Variants in PRPF4 observed in about 807,000 individuals in gnomAD.
PRPF4 encodes pre-mRNA splicing tri-snRNP complex factor PRPF4.
Under a neutral mutation model 72.2 loss-of-function variants are expected in PRPF4, and 14 were observed. That is an observed-to-expected ratio of 0.19 (90% CI 0.13 to 0.30). The LOEUF is 0.30. Among genes scored for constraint, PRPF4 ranks in the 10% least tolerant of loss-of-function variants. The pLI is 1.00. For missense variants in PRPF4, 478 were observed against 653.9 expected, an observed-to-expected ratio of 0.73 and a Z score of 2.93; for synonymous variants, 225 against 232.2, an observed-to-expected ratio of 0.97 and a Z score of 0.28.
At chr9:113,281,138 T>C (rs1252214425) in intron 3 of PRPF4, among the ~76,000 whole-genome samples, 1 of 152,164 alleles carries the variant, frequency 6.6e-6, no homozygotes, top group Non-Finnish European at 1.5e-5. Flanking sequence ...GGATTACAGA[T>C]GTGAGCTACC....
chr9:113,284,516 C>T (rs755315818), intron 7 of PRPF4, 127 bp downstream of exon 7: 1 of 769,534 alleles, frequency 1.3e-6, no homozygotes, highest in Non-Finnish European at 2.2e-6. Flanking sequence ...CACCAAACTA[C>T]AGATGTCAGT....
intron 1 of PRPF4, among the ~76,000 whole-genome samples, chr9:113,276,302 A>G (rs1456761611): frequency 1.3e-5 from 2 of 152,384 alleles, no homozygotes; most frequent in East Asian, 3.9e-4. Flanking sequence ...AACCTTTCAT[A>G]GGAAAATACC....
At chr9:113,275,865 G>A (rs563200314) in intron 1 of PRPF4, 95 bp downstream of exon 1, 2 of 1,524,678 alleles carry the variant, frequency 1.3e-6, no homozygotes, top group East Asian at 4.8e-5. Context: ...GGGAGAAGGC[G>A]GTGGAGGGCT....
Position 113,290,938 on chromosome 9 carries a change from G to C in PRPF4, c.1294G>C (p.Val432Leu), listed in dbSNP as rs766335059. The C allele has an allele frequency of 6.2e-7, 1 of 1,614,210 alleles. No homozygotes were observed. The highest frequency in any genetic ancestry group is 2.2e-5 in the East Asian group (1 of 44,890). ...CGGCAGTGGTGACAACACCTGCAAAGTGTGGGACCTCCGACAGCGGCGTTG... is the reference window on the plus strand; with the variant it reads ...CGGCAGTGGTGACAACACCTGCAAACTGTGGGACCTCCGACAGCGGCGTTG... ...ATGSGDNTCKVWDLRQRRCVY... is the reference protein window; with the variant it reads ...ATGSGDNTCKLWDLRQRRCVY... Residue 432 changes from valine (V) to leucine (L), a missense_variant, in exon 13 of 14, where the codon GTG becomes CTG. Coordinates refer to ENST00000374198, the MANE Select transcript of PRPF4 (RefSeq NM_001244926.2).
Position 113,291,744 on chromosome 9 carries a change from C to A in PRPF4, c.*84C>A. 1 of 1,361,588 alleles carries A rather than the reference C, an allele frequency of 7.3e-7. No individual in the cohort carries two copies. The highest frequency in any genetic ancestry group is 1.4e-5 in the South Asian group (1 of 73,172). The allele number at this position is 1,361,588 out of a possible 1,614,324, so 84.3% of individuals were successfully genotyped here. A position where few individuals can be genotyped will look rare whatever the true frequency, so the allele number is the denominator to read the frequency against. ...ACGAGAAGAATTGAAGTGTTTAGTT[C>A]TATCATGTTTTCTGCCAATTACCAT... On this transcript the variant is annotated 3_prime_UTR_variant, in exon 14 of 14. Transcript: ENST00000374198.
rs1185058321 is a variant in PRPF4, at chr9:113,275,679, C to T, written c.-65C>T. 1.2e-5 allele frequency: 19 copies of T among 1,562,874 alleles called. No homozygotes were observed. The highest frequency in any genetic ancestry group is 1.6e-5 in the Non-Finnish European group (19 of 1,151,918). On this transcript the variant is annotated 5_prime_UTR_variant, in exon 1 of 14. Transcript: ENST00000374198. ...TGACGCACTTCCCCTCTGCTGGGCGCGCGGTGGACGGTCTGAAAGGGAGTG... is the reference window on the plus strand; with the variant it reads ...TGACGCACTTCCCCTCTGCTGGGCGTGCGGTGGACGGTCTGAAAGGGAGTG...
chr9:113,277,507 TC>T (rs1430711702), intron 2 of PRPF4, among the ~76,000 whole-genome samples: 9 of 151,956 alleles, frequency 5.9e-5, no homozygotes, highest in Non-Finnish European at 1.2e-4. Flanking sequence ...TGCCTCAGCC[TC>T]CCGATTAGCT....
At chr9:113,291,427 C>G in intron 13 of PRPF4, 40 bp from the exon 14 acceptor site, 1 of 1,550,314 alleles carries the variant, frequency 6.5e-7, no homozygotes, top group Non-Finnish European at 8.8e-7. Context: ...CTTTTGAATA[C>G]TTGAATTCCT....
Position 113,290,955 on chromosome 9 carries a change from G to A in PRPF4, c.1311G>A (p.Gln437=). 1.2e-6 allele frequency: 2 copies of A among 1,614,214 alleles called. No homozygotes were observed. The highest frequency in any genetic ancestry group is 1.7e-6 in the Non-Finnish European group (2 of 1,180,032). ...CCTGCAAAGTGTGGGACCTCCGACA[G>A]CGGCGTTGCGTCTACACCATCCCTG... ...DNTCKVWDLR[Q]RRCVYTIPAH... The change falls in exon 13 of 14, where the codon CAG becomes CAA. Residue 437 remains glutamine, a synonymous_variant. Transcript: ENST00000374198.
At position 113,291,034 on chromosome 9, in the gene PRPF4, T is replaced by A; in HGVS notation, c.1372+18T>A. The stretch of plus-strand genomic sequence containing the variant: ...GTTTGAGCGTAAGCTTTCCTCCTAT[T>A]TTACGTCTAAATGACACAGACAAAC... On this transcript the variant is annotated intron_variant, in intron 13 of 13. Transcript: ENST00000374198. The A allele has an allele frequency of 1.9e-6, 3 of 1,596,376 alleles. No homozygotes were observed. The highest frequency in any genetic ancestry group is 2.6e-6 in the Non-Finnish European group (3 of 1,163,906).
At position 113,291,879 on chromosome 9, in the gene PRPF4, T is replaced by C; in HGVS notation, c.*219T>C. ...CTCACGGTTGAAAATTTATTACCTT[T>C]TTACGCCCTGCCACGAACTGTGTAG... is the stretch of plus-strand genomic sequence containing the variant. On this transcript the variant is annotated 3_prime_UTR_variant, in exon 14 of 14. Coordinates refer to ENST00000374198, the MANE Select transcript of PRPF4 (RefSeq NM_001244926.2). The C allele has an allele frequency of 2.0e-6, 1 of 511,988 alleles. No individual in the cohort carries two copies. The highest frequency in any genetic ancestry group is 3.5e-6 in the Non-Finnish European group (1 of 286,574). The allele number at this position is 511,988 out of a possible 1,614,324, so 31.7% of individuals were successfully genotyped here.
At chr9:113,276,819 CA>C in intron 2 of PRPF4, 94 bp downstream of exon 2, 2 of 1,357,934 alleles carry the variant, frequency 1.5e-6, no homozygotes, top group Non-Finnish European at 2.0e-6. Flanking sequence ...CAAAAAATTA[CA>C]ATTTTTTTTT....
intron 7 of PRPF4, 94 bp from the exon 8 acceptor site, chr9:113,286,135 TGGG>T: frequency 7.5e-7 from 1 of 1,338,020 alleles, no homozygotes; most frequent in Non-Finnish European, 1.1e-6. Flanking sequence ...TAAAGTTTAT[TGGG>T]GGTGAGAAGA....
At chr9:113,288,035 T>C in intron 9 of PRPF4, 140 bp from the exon 10 acceptor site, 1 of 677,804 alleles carries the variant, frequency 1.5e-6, no homozygotes, top group Non-Finnish European at 2.5e-6. Flanking sequence ...ATTTTGCTTA[T>C]TGGGCCAAAG....
chr9:113,281,299 C>CT (rs773783472), intron 3 of PRPF4, among the ~76,000 whole-genome samples: 79 of 152,282 alleles, frequency 5.2e-4, no homozygotes, highest in Admixed American at 5.9e-4. Flanking sequence ...TTTTATTAGC[C>CT]TTTTCAAAGG....
At chr9:113,277,882 C>A (rs527460448) in intron 2 of PRPF4, among the ~76,000 whole-genome samples, 1 of 152,156 alleles carries the variant, frequency 6.6e-6, no homozygotes, top group African/African-American at 2.4e-5. Flanking sequence ...TGCCTGTATT[C>A]CCAGCTAATT....
chr9:113,290,899 T>G lies in PRPF4; in HGVS notation c.1255T>G (p.Tyr419Asp). ...IYGINFSPNG[Y>D]HIATGSGDNT... ...TTCAATACTGCATCCAATCCACAGC[T>G]ATCACATTGCAACCGGCAGTGGTGA... The change falls in exon 13 of 14, where the codon TAT (tyrosine) becomes GAT (aspartate). Residue 419 changes from tyrosine to aspartate, a missense_variant and splice_region_variant. Transcript: ENST00000374198. The G allele has an allele frequency of 6.2e-7, 1 of 1,614,074 alleles. No individual in the cohort carries two copies. Among genetic ancestry groups the G allele is most frequent in the Non-Finnish European group, 8.5e-7 (1 of 1,179,938 alleles).
At chr9:113,283,536 G>C in intron 6 of PRPF4, 54 bp downstream of exon 6, 1 of 1,592,234 alleles carries the variant, frequency 6.3e-7, no homozygotes, top group South Asian at 1.1e-5. Flanking sequence ...ATGTTTATTT[G>C]ATTTTTCTAC....
rs758575142 is a variant in PRPF4 at position 113,290,745 on chromosome 9, T to C, written c.1191T>C (p.Arg397=). The change falls in exon 12 of 14, where the codon CGT becomes CGC. Residue 397 remains arginine (R), a synonymous_variant. Transcript: ENST00000374198. ...GAGTTTGGGACCTACGCACAGGACG[T>C]TGTATCATGTTCTTAGAAGGCCACC... ...FGRVWDLRTG[R]CIMFLEGHLK... 4.2e-5 allele frequency: 68 copies of C among 1,614,046 alleles called. No individual in the cohort carries two copies. Among genetic ancestry groups the C allele is most frequent in the Non-Finnish European group, 5.0e-5 (59 of 1,180,040 alleles).
Sources: allele counts gnomAD v4.1 joint callset (sites outside exome capture counted in the v4.1 genomes callset), GRCh38; gene constraint gnomAD v4.1.1; transcripts MANE v1.5; gene names NCBI Gene and HGNC (gene_info 2026-07-23, HGNC 2026-07-21).